The following RAB8B variants were observed in gnomAD, a reference collection of about 807,000 sequenced individuals.
RAB8B encodes the protein ras-related protein Rab-8B.
Under a neutral mutation model 32.0 loss-of-function variants are expected in RAB8B, and 11 were observed. The observed-to-expected ratio is 0.34, with a 90% CI of 0.22 to 0.57. RAB8B has a LOEUF of 0.57. RAB8B is among the 20% of genes least tolerant of loss of function. The probability of loss-of-function intolerance (pLI) is 0.86; values close to 1 mark genes in which losing one functional copy is unlikely to be tolerated. For synonymous variants in RAB8B, 103 were observed against 89.6 expected, an observed-to-expected ratio of 1.15 and a Z score of -0.85; for missense variants, 190 against 258.5, an observed-to-expected ratio of 0.73 and a Z score of 1.82.
chr15:63,242,061 T>G (rs2038036697), intron 1 of RAB8B, among the ~76,000 whole-genome samples: 1 of 150,738 alleles, frequency 6.6e-6, no homozygotes, highest in Non-Finnish European at 1.5e-5. Context: ...GTAATTGCGG[T>G]TTTTGCCATT....
chr15:63,246,272 G>A (rs1041013848), intron 2 of RAB8B, among the ~76,000 whole-genome samples: 22 of 152,182 alleles, frequency 1.4e-4, no homozygotes, highest in Non-Finnish European at 4.4e-5. Flanking sequence ...CATCATGTTG[G>A]CACTCAAAAA....
In RAB8B at chr15:63,225,120, G is replaced by T. The variant is rs117595188; in HGVS notation, c.125-19636G>T. ...TAACGTAATATCATCATGCTTATCA[G>T]ACAAAGGACTTTGGAGTCAGGATTC... On this transcript the variant is annotated intron_variant, in intron 1 of 7. Coordinates refer to ENST00000321437, the MANE Select transcript of RAB8B (RefSeq NM_016530.3). Among the ~76,000 whole-genome samples the T allele has an allele frequency of 6.6e-3, 1,010 of 152,334 alleles. 7 individuals carry two copies. The highest frequency in any genetic ancestry group is 0.011 in the Non-Finnish European group (756 of 68,032).
At chr15:63,251,806 A>G (rs1191108150) in intron 3 of RAB8B, among the ~76,000 whole-genome samples, 1 of 152,066 alleles carries the variant, frequency 6.6e-6, no homozygotes, top group African/African-American at 2.4e-5. Flanking sequence ...TCTTCAGGAA[A>G]TCCTGCTGTG....
Position 63,227,172 on chromosome 15 carries a change from A to T in RAB8B, c.125-17584A>T, listed in dbSNP as rs149094915. ...CTTAGAATGCCTTAGCTATCTGGGA[A>T]TGCAGCCCAGTGGGTTTCAGCCTTA... On this transcript the variant is annotated intron_variant, in intron 1 of 7. Coordinates refer to ENST00000321437, the MANE Select transcript of RAB8B (RefSeq NM_016530.3). 5.3e-5 allele frequency among the ~76,000 whole-genome samples: 8 copies of T among 152,308 alleles called. No individual in the cohort carries two copies. In the East Asian group the frequency reaches 1.3e-3, roughly 26 times the overall value.
chr15:63,209,535 G>A (rs961813052), intron 1 of RAB8B, among the ~76,000 whole-genome samples: 2 of 150,374 alleles, frequency 1.3e-5, no homozygotes, highest in Non-Finnish European at 3.0e-5. Flanking sequence ...AGGTTGCAGT[G>A]AGCCGAGATC....
intron 1 of RAB8B, among the ~76,000 whole-genome samples, chr15:63,215,582 A>G (rs1434797859): frequency 6.6e-6 from 1 of 152,224 alleles, no homozygotes; most frequent in African/African-American, 2.4e-5. Flanking sequence ...TTACTTTGAA[A>G]AATGCCTGAG....
At chr15:63,244,403 T>C (rs956307551) in intron 1 of RAB8B, among the ~76,000 whole-genome samples, 3 of 152,090 alleles carry the variant, frequency 2.0e-5, no homozygotes, top group African/African-American at 7.2e-5. Context: ...TTGGGAAGGA[T>C]TGGGGTTGAG....
intron 6 of RAB8B, among the ~76,000 whole-genome samples, chr15:63,261,525 A>G (rs955940535): frequency 3.3e-5 from 5 of 152,178 alleles, no homozygotes; most frequent in African/African-American, 1.2e-4. Flanking sequence ...CCATAAAAAA[A>G]GAGTGAAATC....
At chr15:63,195,222 C>G (rs753891001) in intron 1 of RAB8B, among the ~76,000 whole-genome samples, 17 of 152,050 alleles carry the variant, frequency 1.1e-4, no homozygotes, top group Admixed American at 3.9e-4. Flanking sequence ...GATTTCCCAT[C>G]TAAGCAATAG....
At chr15:63,203,827 G>A (rs1190655029) in intron 1 of RAB8B, among the ~76,000 whole-genome samples, 1 of 151,860 alleles carries the variant, frequency 6.6e-6, no homozygotes, top group Non-Finnish European at 1.5e-5. Context: ...TAAACCCCAT[G>A]TTTTTTTTCA....
intron 1 of RAB8B, among the ~76,000 whole-genome samples, chr15:63,238,082 C>T (rs2037998226): frequency 6.6e-6 from 1 of 151,988 alleles, no homozygotes; most frequent in African/African-American, 2.4e-5. Flanking sequence ...TGTTCTGTTC[C>T]ACTGGTATAT....
chr15:63,253,725 A>G (rs929457641), intron 3 of RAB8B, among the ~76,000 whole-genome samples: 3 of 152,222 alleles, frequency 2.0e-5, no homozygotes, highest in Non-Finnish European at 4.4e-5. Flanking sequence ...ATGGGAATCC[A>G]GGTAAAGACT....
At chr15:63,231,324 C>T (rs896017216) in intron 1 of RAB8B, among the ~76,000 whole-genome samples, 4 of 152,070 alleles carry the variant, frequency 2.6e-5, no homozygotes, top group Non-Finnish European at 4.4e-5. Context: ...ATGGAAAATA[C>T]GATACATGGT....
Position 63,255,499 on chromosome 15 carries a change from C to T in RAB8B, c.247-8C>T. The T allele has an allele frequency of 6.4e-7, 1 of 1,572,692 alleles. No individual in the cohort carries two copies. The highest frequency in any genetic ancestry group is 1.1e-5 in the South Asian group (1 of 89,038). On this transcript the variant is annotated splice_region_variant and splice_polypyrimidine_tract_variant and intron_variant, in intron 3 of 7. Coordinates refer to ENST00000321437, the MANE Select transcript of RAB8B (RefSeq NM_016530.3). ...AGTACTAAATAAAGATATTTTTCCC[C>T]CTTATAGGGCATTATGCTGGTCTAT...
At chr15:63,243,996 A>T (rs989324722) in intron 1 of RAB8B, among the ~76,000 whole-genome samples, 1 of 151,750 alleles carries the variant, frequency 6.6e-6, no homozygotes, top group African/African-American at 2.4e-5. Context: ...TAACTAACTC[A>T]CTCCTGTGAT....
At chr15:63,247,868 A>G (rs942960248) in intron 2 of RAB8B, among the ~76,000 whole-genome samples, 6 of 152,204 alleles carry the variant, frequency 3.9e-5, no homozygotes, top group Non-Finnish European at 8.8e-5. Context: ...ACTGCCCTGG[A>G]ACATAGTGAT....
chr15:63,210,496 G>C (rs959813399), intron 1 of RAB8B, among the ~76,000 whole-genome samples: 10 of 152,216 alleles, frequency 6.6e-5, no homozygotes, highest in Admixed American at 2.0e-4. Flanking sequence ...TAAGAGATAG[G>C]TAGTGCCACA....
chr15:63,244,685 C>T, intron 1 of RAB8B, 71 bp from the exon 2 acceptor site: 1 of 1,238,068 alleles, frequency 8.1e-7, no homozygotes, highest in Non-Finnish European at 1.2e-6. Context: ...CAATAGAAAT[C>T]TTTGTCCTCC....
intron 1 of RAB8B, among the ~76,000 whole-genome samples, chr15:63,209,222 G>A (rs940338265): frequency 1.3e-5 from 2 of 151,886 alleles, no homozygotes; most frequent in African/African-American, 2.4e-5. Flanking sequence ...TTGCGTTGCC[G>A]AATACCATAC....
Sources: gnomAD v4.1 joint callset for allele counts (sites outside exome capture counted in the v4.1 genomes callset) on GRCh38, gnomAD v4.1.1 for gene constraint, MANE v1.5 for transcripts, NCBI Gene and HGNC (gene_info 2026-07-23, HGNC 2026-07-21) for gene names.